ERC2: variants seen among roughly 807,000 people sequenced by gnomAD.
ERC2 encodes the protein ERC protein 2.
ERC2 carries 42 observed loss-of-function variants against 114.8 expected under a neutral mutation model. The ratio of observed to expected loss-of-function variants is 0.37; its 90% CI spans 0.29 to 0.47. ERC2 has a LOEUF of 0.47. Ranked by LOEUF, ERC2 falls within the 20% of genes least tolerant of loss-of-function variation. ERC2 has a pLI of 0.99. For missense variants in ERC2, 939 were observed against 1,150.7 expected (o/e 0.82, Z 2.66); for synonymous variants, 454 against 425.5 (o/e 1.07, Z -0.82).
intron 14 of ERC2, among the ~76,000 whole-genome samples, chr3:55,781,187 T>C (rs1478575346): frequency 6.6e-6 from 1 of 152,068 alleles, no homozygotes. Flanking sequence ...CACAGCACAA[T>C]GCAGGAAGGG....
At chr3:56,299,807 T>C (rs952912501) in intron 2 of ERC2, among the ~76,000 whole-genome samples, 1 of 152,196 alleles carries the variant, frequency 6.6e-6, no homozygotes, top group Non-Finnish European at 1.5e-5. Flanking sequence ...TCCAGGTTTA[T>C]CTGGAGTCAA....
At chr3:55,523,226 A>G in intron 17 of ERC2, among the ~76,000 whole-genome samples, 1 of 152,246 alleles carries the variant, frequency 6.6e-6, no homozygotes, top group Admixed American at 6.5e-5. Flanking sequence ...TGGAAGACCC[A>G]TGGATATACC....
At chr3:56,289,685 T>C (rs1201576709) in intron 3 of ERC2, among the ~76,000 whole-genome samples, 1 of 152,198 alleles carries the variant, frequency 6.6e-6, no homozygotes, top group Non-Finnish European at 1.5e-5. Flanking sequence ...ACCAACCCCA[T>C]GTGCTAAAAT....
intron 14 of ERC2, among the ~76,000 whole-genome samples, chr3:55,842,865 T>C (rs746835021): frequency 2.6e-4 from 40 of 152,020 alleles, no homozygotes; most frequent in Non-Finnish European, 8.8e-5. Flanking sequence ...GTTGAGGAGC[T>C]TTAAGAGATT....
intron 14 of ERC2, among the ~76,000 whole-genome samples, chr3:55,852,258 G>A (rs1309087155): frequency 6.6e-6 from 1 of 152,066 alleles, no homozygotes; most frequent in African/African-American, 2.4e-5. Flanking sequence ...GTAGTAAAAT[G>A]TGCTTTACAG....
intron 17 of ERC2, among the ~76,000 whole-genome samples, chr3:55,605,736 G>T (rs1327709865): frequency 6.6e-6 from 1 of 152,156 alleles, no homozygotes; most frequent in Non-Finnish European, 1.5e-5. Context: ...GCATCTCTTG[G>T]TTCAATTCCA....
Position 55,650,936 on chromosome 3 carries a change from T to A in ERC2, c.*39+32858A>T, listed in dbSNP as rs541332855. On this transcript the variant is annotated intron_variant, in intron 17 of 17. Transcript: ENST00000288221. Reference sequence around the variant, plus strand: ...ATCTCAGCTCACTGCAACCTTCACCTCCCGGGTTCAACCAATTCTCCCTGC... The same window carrying A: ...ATCTCAGCTCACTGCAACCTTCACCACCCGGGTTCAACCAATTCTCCCTGC... Among the ~76,000 whole-genome samples the A allele has an allele frequency of 5.9e-3, 887 of 149,356 alleles. 4 individuals carry two copies. The highest frequency in any genetic ancestry group is 0.01 in the Admixed American group (152 of 14,900).
At chr3:55,577,249 C>T (rs1361481449) in intron 17 of ERC2, among the ~76,000 whole-genome samples, 1 of 150,642 alleles carries the variant, frequency 6.6e-6, no homozygotes, top group Non-Finnish European at 1.5e-5. Context: ...TTCTAAATTC[C>T]ACCCACCTTC....
chr3:55,916,710 C>A (rs1559866476), intron 13 of ERC2, among the ~76,000 whole-genome samples: 1 of 152,082 alleles, frequency 6.6e-6, no homozygotes, highest in Non-Finnish European at 1.5e-5. Context: ...AGGAGTAGCC[C>A]TGCTGCCTCT....
At chr3:55,531,011 T>C (rs776976623) in intron 17 of ERC2, among the ~76,000 whole-genome samples, 10 of 152,198 alleles carry the variant, frequency 6.6e-5, no homozygotes, top group Non-Finnish European at 1.5e-4. Flanking sequence ...AACCTCATTA[T>C]GTTGCATTTT....
At chr3:56,221,955 G>C (rs890917911) in intron 3 of ERC2, among the ~76,000 whole-genome samples, 1 of 152,116 alleles carries the variant, frequency 6.6e-6, no homozygotes, top group East Asian at 1.9e-4. Flanking sequence ...CTACACAATA[G>C]TACAATGAGA....
intron 2 of ERC2, among the ~76,000 whole-genome samples, chr3:56,423,368 G>A (rs2061453742): frequency 6.6e-6 from 1 of 152,252 alleles, no homozygotes; most frequent in African/African-American, 2.4e-5. Flanking sequence ...GTCAGGGGCT[G>A]TCCCGTGCAC....
intron 17 of ERC2, among the ~76,000 whole-genome samples, chr3:55,521,093 A>G (rs977198698): frequency 6.6e-6 from 1 of 152,222 alleles, no homozygotes; most frequent in Admixed American, 6.5e-5. Context: ...CAGGATTTGA[A>G]GGCGCCCTTC....
chr3:56,426,183 T>C (rs563170353), intron 2 of ERC2, among the ~76,000 whole-genome samples: 27 of 152,332 alleles, frequency 1.8e-4, no homozygotes, highest in Non-Finnish European at 2.5e-4. Flanking sequence ...AGCCAGGATT[T>C]CTCAGACTTA....
At chr3:56,050,410 T>C (rs1388315190) in intron 7 of ERC2, among the ~76,000 whole-genome samples, 1 of 152,152 alleles carries the variant, frequency 6.6e-6, no homozygotes, top group African/African-American at 2.4e-5. Context: ...GAGGCTGTTT[T>C]GTCTCAGTTT....
chr3:55,988,413 C>A (rs1410025190), intron 11 of ERC2, among the ~76,000 whole-genome samples: 1 of 152,210 alleles, frequency 6.6e-6, no homozygotes, highest in Non-Finnish European at 1.5e-5. Context: ...GAGCAACATG[C>A]ACTTTAAAAA....
intron 14 of ERC2, among the ~76,000 whole-genome samples, chr3:55,808,742 T>TATATATATATATAAAA (rs1455596885): frequency 2.3e-4 from 23 of 100,374 alleles, no homozygotes; most frequent in African/African-American, 8.7e-4. Flanking sequence ...TATATATATA[T>TATATATATATATAAAA]AACGTATAAC....
intron 14 of ERC2, among the ~76,000 whole-genome samples, chr3:55,876,391 C>A (rs764632139): frequency 6.6e-6 from 1 of 152,078 alleles, no homozygotes; most frequent in Non-Finnish European, 1.5e-5. Context: ...AGTTTGTTTC[C>A]CTTGGATGCC....
chr3:55,919,849 A>T (rs1335629869), intron 13 of ERC2, among the ~76,000 whole-genome samples: 1 of 152,176 alleles, frequency 6.6e-6, no homozygotes, highest in Non-Finnish European at 1.5e-5. Context: ...TGCAAGTGCA[A>T]AAGCCCCAAG....
Sources: allele counts gnomAD v4.1 joint callset (sites outside exome capture counted in the v4.1 genomes callset), GRCh38; gene constraint gnomAD v4.1.1; transcripts MANE v1.5; gene names NCBI Gene and HGNC (gene_info 2026-07-23, HGNC 2026-07-21).